KCNJ3: variants seen among roughly 807,000 people sequenced by gnomAD.
KCNJ3 encodes the protein G protein-activated inward rectifier potassium channel 1.
KCNJ3 carries 4 observed loss-of-function variants against 39.2 expected under a neutral mutation model. The ratio of observed to expected loss-of-function variants is 0.10; its 90% confidence interval spans 0.05 to 0.23. KCNJ3 has a LOEUF of 0.23. Among genes scored for constraint, KCNJ3 ranks in the 10% least tolerant of loss-of-function variants. KCNJ3 has a pLI of 1.00. For synonymous variants in KCNJ3, 230 were observed against 237.4 expected (o/e 0.97, Z 0.29); for missense variants, 276 against 634.9 (o/e 0.43, Z 6.08).
chr2:154,785,442 CT>C (rs769869003), intron 2 of KCNJ3, among the ~76,000 whole-genome samples: 1 of 152,142 alleles, frequency 6.6e-6, no homozygotes, highest in Non-Finnish European at 1.5e-5. Flanking sequence ...CTGAAACTTA[CT>C]TGTCATTGTA....
intron 2 of KCNJ3, among the ~76,000 whole-genome samples, chr2:154,831,898 G>A (rs1264597424): frequency 3.9e-5 from 6 of 152,132 alleles, no homozygotes; most frequent in Non-Finnish European, 8.8e-5. Context: ...GGTTCTGCAG[G>A]TTGTACAAGA....
chr2:154,813,184 A>G (rs1006862093), intron 2 of KCNJ3, among the ~76,000 whole-genome samples: 5 of 152,034 alleles, frequency 3.3e-5, no homozygotes, highest in South Asian at 2.1e-4. Context: ...TTTTTTTTCT[A>G]GTCTACTTGC....
chr2:154,738,999 T>C (rs1685596584), intron 2 of KCNJ3, among the ~76,000 whole-genome samples: 1 of 152,112 alleles, frequency 6.6e-6, no homozygotes, highest in Non-Finnish European at 1.5e-5. Context: ...TACTTCATTA[T>C]TGTTAATGCA....
At position 154,698,752 on chromosome 2, in the gene KCNJ3, G is replaced by C; in HGVS notation, c.-24G>C. 6.8e-7 allele frequency: 1 copy of C among 1,470,376 alleles called. No homozygotes were observed. Among genetic ancestry groups the C allele is most frequent in the Non-Finnish European group, 9.3e-7 (1 of 1,079,494 alleles). The allele number at this position is 1,470,376 out of a possible 1,614,324, so 91.1% of individuals were successfully genotyped here. Reference sequence around the variant, plus strand: ...GCTCCTGCGCCTTCGCTTCGCGTTTGAATCTGGCTCGCCCCTTCGTATTAT... The same window carrying C: ...GCTCCTGCGCCTTCGCTTCGCGTTTCAATCTGGCTCGCCCCTTCGTATTAT... On this transcript the variant is annotated 5_prime_UTR_variant, in exon 1 of 3. Coordinates refer to ENST00000295101, the MANE Select transcript of KCNJ3 (RefSeq NM_002239.4).
At chr2:154,853,383 G>A (rs1687788201) in intron 2 of KCNJ3, among the ~76,000 whole-genome samples, 1 of 152,066 alleles carries the variant, frequency 6.6e-6, no homozygotes, top group Admixed American at 6.6e-5. Context: ...TGTATTGTAT[G>A]TCTGATTGCT....
intron 2 of KCNJ3, among the ~76,000 whole-genome samples, chr2:154,773,888 A>C (rs1218438293): frequency 6.6e-6 from 1 of 152,130 alleles, no homozygotes; most frequent in African/African-American, 2.4e-5. Context: ...CAAATGTATT[A>C]GTCTGTTAGC....
chr2:154,762,468 C>A (rs1574452516), intron 2 of KCNJ3, among the ~76,000 whole-genome samples: 2 of 152,176 alleles, frequency 1.3e-5, no homozygotes, highest in South Asian at 2.1e-4. Context: ...ATAAGGCTAG[C>A]TGAATATAAG....
intron 2 of KCNJ3, among the ~76,000 whole-genome samples, chr2:154,723,013 G>C (rs1368628582): frequency 6.6e-6 from 1 of 152,152 alleles, no homozygotes; most frequent in Non-Finnish European, 1.5e-5. Flanking sequence ...GAGCATGGTG[G>C]CTCGTGCCTG....
intron 2 of KCNJ3, among the ~76,000 whole-genome samples, chr2:154,754,365 C>T (rs892086221): frequency 6.6e-6 from 1 of 152,134 alleles, no homozygotes; most frequent in African/African-American, 2.4e-5. Flanking sequence ...CCTCTGCCTC[C>T]TGGGTTCAAG....
At chr2:154,827,728 T>A (rs999844954) in intron 2 of KCNJ3, among the ~76,000 whole-genome samples, 7 of 152,128 alleles carry the variant, frequency 4.6e-5, no homozygotes, top group African/African-American at 1.7e-4. Flanking sequence ...GGCATGTGCA[T>A]TTAAGGTTTT....
At chr2:154,751,963 A>G (rs1685852231) in intron 2 of KCNJ3, among the ~76,000 whole-genome samples, 1 of 152,110 alleles carries the variant, frequency 6.6e-6, no homozygotes, top group South Asian at 2.1e-4. Context: ...CTCCTTTGCC[A>G]ATACAGTCAC....
At chr2:154,706,231 G>T (rs909274423) in intron 1 of KCNJ3, among the ~76,000 whole-genome samples, 1 of 151,956 alleles carries the variant, frequency 6.6e-6, no homozygotes, top group African/African-American at 2.4e-5. Context: ...AACGATCCTG[G>T]TTCTATGTTT....
At chr2:154,730,477 T>C (rs1685431378) in intron 2 of KCNJ3, among the ~76,000 whole-genome samples, 1 of 152,128 alleles carries the variant, frequency 6.6e-6, no homozygotes, top group Non-Finnish European at 1.5e-5. Context: ...GTCCAAATAA[T>C]CCAATGAAGA....
At chr2:154,723,825 C>G (rs1685304387) in intron 2 of KCNJ3, among the ~76,000 whole-genome samples, 1 of 151,944 alleles carries the variant, frequency 6.6e-6, no homozygotes, top group South Asian at 2.1e-4. Flanking sequence ...TATTTAGATA[C>G]CTAGAATGAG....
intron 2 of KCNJ3, among the ~76,000 whole-genome samples, chr2:154,812,737 T>C (rs1687025309): frequency 6.6e-6 from 1 of 152,156 alleles, no homozygotes; most frequent in South Asian, 2.1e-4. Flanking sequence ...GCTTTTCAAA[T>C]GTTTGTTTTG....
chr2:154,728,072 CCT>C (rs1343029472), intron 2 of KCNJ3, among the ~76,000 whole-genome samples: 14 of 151,750 alleles, frequency 9.2e-5, no homozygotes, highest in Admixed American at 3.3e-4. Flanking sequence ...ATTATTTCCC[CCT>C]GTTATTCTTA....
At chr2:154,820,126 A>G (rs1687148054) in intron 2 of KCNJ3, among the ~76,000 whole-genome samples, 1 of 152,188 alleles carries the variant, frequency 6.6e-6, no homozygotes, top group South Asian at 2.1e-4. Context: ...CAATATTATT[A>G]ATTAACCTAC....
intron 2 of KCNJ3, among the ~76,000 whole-genome samples, chr2:154,844,495 G>A (rs1218936624): frequency 6.6e-6 from 1 of 152,250 alleles, no homozygotes; most frequent in Admixed American, 6.5e-5. Flanking sequence ...GTCAGACAGG[G>A]ACGTTTAAAT....
chr2:154,810,459 A>G (rs182008685), intron 2 of KCNJ3, among the ~76,000 whole-genome samples: 87 of 152,176 alleles, frequency 5.7e-4, no homozygotes, highest in Non-Finnish European at 1.0e-3. Context: ...AACATTTCCT[A>G]CTAGATAAGA....
Sources: allele counts gnomAD v4.1 joint callset (sites outside exome capture counted in the v4.1 genomes callset), GRCh38; gene constraint gnomAD v4.1.1; transcripts MANE v1.5; gene names NCBI Gene and HGNC (gene_info 2026-07-23, HGNC 2026-07-21).